Variants in IL19 observed in about 807,000 individuals in gnomAD.
The protein encoded by IL19 is interleukin-19.
In IL19, 15 loss-of-function variants were observed where a neutral mutation model predicts 19.5. The observed-to-expected ratio is 0.77, with a 90% CI of 0.52 to 1.19. The LOEUF (loss-of-function observed/expected upper bound fraction) is 1.19. Among genes scored for constraint, IL19 ranks in the 50% most tolerant of loss-of-function variants. The pLI, the probability that IL19 is intolerant of heterozygous loss-of-function variation, is 0.00. For missense variants in IL19, 199 were observed against 213.1 expected (o/e 0.93, Z 0.41); for synonymous variants, 78 against 78.3 (o/e 1.00, Z 0.02).
intron 2 of IL19, among the ~76,000 whole-genome samples, chr1:206,803,312 C>T (rs534438011): frequency 6.6e-6 from 1 of 152,218 alleles, no homozygotes; most frequent in South Asian, 2.1e-4. Flanking sequence ...GAGGCATTGA[C>T]CTGGAGGCCC....
intron 2 of IL19, among the ~76,000 whole-genome samples, chr1:206,835,493 G>C (rs1000109959): frequency 6.6e-6 from 1 of 152,198 alleles, no homozygotes; most frequent in Admixed American, 6.5e-5. Flanking sequence ...AGAGGAGCTG[G>C]GAATCCTGAG....
intron 2 of IL19, among the ~76,000 whole-genome samples, chr1:206,830,772 T>C (rs543503050): frequency 6.6e-6 from 1 of 152,000 alleles, no homozygotes; most frequent in Non-Finnish European, 1.5e-5. Flanking sequence ...AGAGACGGGG[T>C]TTCACCACAT....
intron 2 of IL19, among the ~76,000 whole-genome samples, chr1:206,818,380 T>C (rs1676215511): frequency 6.6e-6 from 1 of 152,236 alleles, no homozygotes; most frequent in South Asian, 2.1e-4. Flanking sequence ...TAATTGGTCA[T>C]ACATGCAACA....
intron 1 of IL19, among the ~76,000 whole-genome samples, chr1:206,790,161 A>G (rs560291528): frequency 6.6e-6 from 1 of 152,340 alleles, no homozygotes; most frequent in Admixed American, 6.5e-5. Context: ...CCAGCAGTGT[A>G]TAAGCGTTCC....
chr1:206,836,198 T>A (rs540828530), intron 2 of IL19, among the ~76,000 whole-genome samples: 1 of 152,234 alleles, frequency 6.6e-6, no homozygotes, highest in Non-Finnish European at 1.5e-5. Flanking sequence ...AATAAAAGGG[T>A]GTTACTTATT....
chr1:206,813,940 C>A (rs772216315), intron 2 of IL19, among the ~76,000 whole-genome samples: 1 of 152,176 alleles, frequency 6.6e-6, no homozygotes, highest in Non-Finnish European at 1.5e-5. Context: ...CAAATTAGCT[C>A]TTGCGTGACA....
intron 2 of IL19, among the ~76,000 whole-genome samples, chr1:206,800,319 G>A (rs151281212): frequency 6.6e-6 from 1 of 152,344 alleles, no homozygotes; most frequent in African/African-American, 2.4e-5. Flanking sequence ...TAAGTCTCCA[G>A]CATTGCCCTG....
chr1:206,787,457 TAGAG>T (rs1310428924), intron 1 of IL19, among the ~76,000 whole-genome samples: 6 of 152,328 alleles, frequency 3.9e-5, no homozygotes, highest in Admixed American at 3.9e-4. Flanking sequence ...ATGCCAGAGA[TAGAG>T]AGGAGATGCA....
chr1:206,771,572 A>G (rs563404627), intron 1 of IL19, among the ~76,000 whole-genome samples: 2 of 152,316 alleles, frequency 1.3e-5, no homozygotes, highest in East Asian at 3.9e-4. Context: ...AGAGGATTCA[A>G]CAGTGATGGG....
intron 1 of IL19, among the ~76,000 whole-genome samples, chr1:206,783,566 C>T (rs1675196202): frequency 1.3e-5 from 2 of 152,160 alleles, no homozygotes; most frequent in South Asian, 2.1e-4. Context: ...AAGGGTTGTG[C>T]ACTTGAGCCT....
At chr1:206,782,001 ATAT>A in intron 1 of IL19, among the ~76,000 whole-genome samples, 1 of 78,890 alleles carries the variant, frequency 1.3e-5, no homozygotes, top group South Asian at 3.8e-4. Flanking sequence ...TATATGTTAT[ATAT>A]ACATATATAT....
At chr1:206,781,456 AAGAG>A (rs1476260443) in intron 1 of IL19, among the ~76,000 whole-genome samples, 1 of 151,574 alleles carries the variant, frequency 6.6e-6, no homozygotes, top group Non-Finnish European at 1.5e-5. Context: ...AAAGAAAAAA[AAGAG>A]AGAGAGGAGG....
intron 2 of IL19, among the ~76,000 whole-genome samples, chr1:206,805,729 G>T (rs1341639268): frequency 3.3e-5 from 5 of 152,226 alleles, no homozygotes; most frequent in Non-Finnish European, 7.3e-5. Context: ...CATAACAGGA[G>T]TTCCTAAAGA....
At chr1:206,797,428 C>T (rs927211871) in intron 1 of IL19, among the ~76,000 whole-genome samples, 1 of 151,984 alleles carries the variant, frequency 6.6e-6, no homozygotes, top group Middle Eastern at 3.2e-3. Flanking sequence ...TTACACATCC[C>T]CCACCTCCGA....
chr1:206,837,137 C>T (rs527793536), intron 4 of IL19, 114 bp downstream of exon 4: 1 of 806,476 alleles, frequency 1.2e-6, no homozygotes, highest in African/African-American at 1.7e-5. Flanking sequence ...CCAATGTACT[C>T]TAAATGCACC....
rs1676809774 is a variant in IL19, at chr1:206,836,774, G to C, written c.112G>C (p.Glu38Gln). The C allele has an allele frequency of 3.1e-6, 5 of 1,614,112 alleles. No homozygotes were observed. Among genetic ancestry groups the C allele is most frequent in the Non-Finnish European group, 4.2e-6 (5 of 1,180,000 alleles). Residue 38 changes from glutamate (E) to glutamine (Q), a missense_variant, in exon 3 of 7, where the codon GAA becomes CAA. Coordinates refer to ENST00000659997, the MANE Select transcript of IL19 (RefSeq NM_153758.5). ...CLISTDMHHI[E>Q]ESFQEIKRAI... ...GATTTCCACAGACATGCACCATATA[G>C]AAGAGAGTTTCCAAGAAATCAAAAG...
At chr1:206,771,311 T>C (rs1674830811) in intron 1 of IL19, 2 of 1,551,138 alleles carry the variant, frequency 1.3e-6, no homozygotes, top group Non-Finnish European at 1.8e-6. Context: ...CTCCCTTCCC[T>C]TAATCATGCT....
intron 2 of IL19, among the ~76,000 whole-genome samples, chr1:206,805,087 A>T (rs1572557118): frequency 6.6e-6 from 1 of 152,314 alleles, no homozygotes; most frequent in East Asian, 1.9e-4. Context: ...CTGTATCGGC[A>T]CAATTTATTT....
Position 206,831,836 on chromosome 1 carries a change from G to A in IL19, c.-2-4825G>A, listed in dbSNP as rs994126524. ...TGGTACACCACATGCTGGAAGAGGA[G>A]CTATAAACACATCACTTATTTCCCT... On this transcript the variant is annotated intron_variant, in intron 2 of 6. Transcript: ENST00000659997. Among the ~76,000 whole-genome samples, 42 of 152,330 alleles carry A rather than the reference G, an allele frequency of 2.8e-4. 1 individual carries two copies. Among genetic ancestry groups the A allele is most frequent in the African/African-American group, 9.9e-4 (41 of 41,562 alleles).
Sources: allele counts gnomAD v4.1 joint callset (sites outside exome capture counted in the v4.1 genomes callset), GRCh38; gene constraint gnomAD v4.1.1; transcripts MANE v1.5; gene names NCBI Gene and HGNC (gene_info 2026-07-23, HGNC 2026-07-21).